TMC3: variants seen among roughly 807,000 people sequenced by gnomAD.
TMC3 encodes transmembrane channel like 3, also known as transmembrane channel-like protein 3.
In TMC3, 98 loss-of-function variants were observed where a neutral mutation model predicts 110.6. The observed-to-expected ratio is 0.89, with a 90% CI of 0.75 to 1.05. TMC3 has a LOEUF of 1.05. TMC3 is among the 50% of genes least tolerant of loss of function. The pLI is 0.00. For missense variants in TMC3, 1,319 were observed against 1,373.2 expected, an observed-to-expected ratio of 0.96 and a Z score of 0.62; for synonymous variants, 489 against 513.1, an observed-to-expected ratio of 0.95 and a Z score of 0.63.
Position 81,359,420 on chromosome 15 carries a change from A to T in TMC3, c.446T>A (p.Phe149Tyr). Residue 149 changes from phenylalanine to tyrosine, a missense_variant, in exon 5 of 22, where the codon TTT becomes TAT. Transcript: ENST00000359440. Reference sequence around the variant, plus strand: ...AATGGTGAGCACAATATTAATTCCAAATAACCATCTCAAGAATATGAAATA... The same window carrying T: ...AATGGTGAGCACAATATTAATTCCATATAACCATCTCAAGAATATGAAATA... The part of the protein sequence containing the change: ...ASYFIFLRWL[F>Y]GINIVLTIMT... The T allele has an allele frequency of 6.2e-7, 1 of 1,606,228 alleles. No homozygotes were observed. The highest frequency in any genetic ancestry group is 1.7e-5 in the Admixed American group (1 of 58,154).
At chr15:81,368,142 C>T in intron 3 of TMC3, 111 bp downstream of exon 3, 1 of 755,670 alleles carries the variant, frequency 1.3e-6, no homozygotes, top group Non-Finnish European at 2.3e-6. Context: ...ACCGTGTTAG[C>T]CAGGATGGTC....
rs373067910 is a variant in TMC3, at chr15:81,332,904, G to A, written c.2818C>T (p.Gln940Ter). ...SRVPRQPPSP[Q>*]LSEEEEETPS... ...GTCTCCTCCTCTTCTTCACTCAGCT[G>A]TGGGGAGGGAGGCTGGCGGGGGACC... The change falls in exon 22 of 22, where the codon CAG (glutamine) becomes TAG (stop). Residue 940 changes from glutamine (Q) to a stop codon, truncating the protein, a stop_gained. Transcript: ENST00000359440. LOFTEE classifies it low-confidence loss of function (END_TRUNC). The A allele has an allele frequency of 1.2e-6, 2 of 1,613,298 alleles. No homozygotes were observed. Among genetic ancestry groups the A allele is most frequent in the Non-Finnish European group, 1.7e-6 (2 of 1,179,854 alleles).
Position 81,332,377 on chromosome 15 carries a change from C to T in TMC3, c.*42G>A. 1.3e-6 allele frequency: 2 copies of T among 1,545,546 alleles called. No homozygotes were observed. The highest frequency in any genetic ancestry group is 1.7e-6 in the Non-Finnish European group (2 of 1,143,976). ...GATGCCATGTGCTGGCCCAGCACTCCAACAGGGGCCTGACCTCTAGGAACG... is the reference window on the plus strand; with the variant it reads ...GATGCCATGTGCTGGCCCAGCACTCTAACAGGGGCCTGACCTCTAGGAACG... On this transcript the variant is annotated 3_prime_UTR_variant, in exon 22 of 22. Transcript: ENST00000359440.
At chr15:81,350,126 T>C (rs997793132) in intron 10 of TMC3, among the ~76,000 whole-genome samples, 1 of 151,338 alleles carries the variant, frequency 6.6e-6, no homozygotes, top group Non-Finnish European at 1.5e-5. Context: ...TCCCAGCTTG[T>C]TGGGAAACTG....
chr15:81,340,255 A>G (rs1418590858), intron 16 of TMC3, among the ~76,000 whole-genome samples: 2 of 151,908 alleles, frequency 1.3e-5, no homozygotes, highest in East Asian at 3.9e-4. Flanking sequence ...TCTCTCATGA[A>G]AAAGACTTGA....
In TMC3 at chr15:81,333,114, G is replaced by T. The variant is rs368191794; in HGVS notation, c.2608C>A (p.Pro870Thr). Residue 870 changes from proline to threonine, a missense_variant, in exon 22 of 22, where the codon CCA becomes ACA. Pro to Thr is a conservative substitution (Grantham distance 38, BLOSUM62 -1). Transcript: ENST00000359440. ...FQQINPPHRG[P>T]QASTLLAQGP... ...TGTGCCAGCAAAGTCGAGGCCTGTG[G>T]TCCACGGTGAGGAGGGTTGATTTGC... 52 of 1,614,058 alleles carry T rather than the reference G, an allele frequency of 3.2e-5. No individual in the cohort carries two copies. Among genetic ancestry groups the T allele is most frequent in the South Asian group, 7.7e-5 (7 of 91,082 alleles).
intron 4 of TMC3, among the ~76,000 whole-genome samples, chr15:81,360,972 C>CTT (rs59270312): frequency 0.05 from 6,675 of 134,082 alleles, 540 homozygotes; most frequent in African/African-American, 0.17. Flanking sequence ...ACGGTTTTCT[C>CTT]TTTTTTTTTT....
rs376289164 is a variant in TMC3 at position 81,334,285 on chromosome 15, T to G, written c.2459+435A>C. On this transcript the variant is annotated intron_variant, in intron 21 of 21. Coordinates refer to ENST00000359440, the MANE Select transcript of TMC3 (RefSeq NM_001080532.3). ...ACCGCAGGTCTATCCCCTTCATCTTTCCAGGGGTCCTACCTCCATTAAAGT... is the reference window on the plus strand; with the variant it reads ...ACCGCAGGTCTATCCCCTTCATCTTGCCAGGGGTCCTACCTCCATTAAAGT... Among the ~76,000 whole-genome samples the G allele has an allele frequency of 2.6e-5, 4 of 152,222 alleles. No individual in the cohort carries two copies. In the East Asian group the frequency reaches 7.7e-4, roughly 29 times the overall value.
chr15:81,357,874 T>C (rs1261851504), intron 7 of TMC3, among the ~76,000 whole-genome samples: 1 of 152,224 alleles, frequency 6.6e-6, no homozygotes, highest in Non-Finnish European at 1.5e-5. Flanking sequence ...TAGGACCTAG[T>C]ACAAAGCAGT....
chr15:81,343,207 T>C, intron 15 of TMC3, 71 bp downstream of exon 15: 1 of 954,282 alleles, frequency 1.0e-6, no homozygotes, highest in Non-Finnish European at 1.7e-6. Context: ...GTGTCCCATC[T>C]AGACTAAGTA....
chr15:81,343,076 T>A, intron 15 of TMC3: 1 of 506,106 alleles, frequency 2.0e-6, no homozygotes, highest in South Asian at 3.3e-5. Context: ...AAACATGGAT[T>A]ATTTTCTTTT....
chr15:81,332,180 G>A lies in TMC3; in HGVS notation c.*239C>T. Reference sequence around the variant, plus strand: ...ATTGAGATTGCTGCAGACCCGTGATGATTCACTGCTGGTGACATACTTTGG... The same window carrying A: ...ATTGAGATTGCTGCAGACCCGTGATAATTCACTGCTGGTGACATACTTTGG... On this transcript the variant is annotated 3_prime_UTR_variant, in exon 22 of 22. Coordinates refer to ENST00000359440, the MANE Select transcript of TMC3 (RefSeq NM_001080532.3). 4.1e-6 allele frequency: 2 copies of A among 485,416 alleles called. No individual in the cohort carries two copies. Among genetic ancestry groups the A allele is most frequent in the South Asian group, 7.9e-5 (2 of 25,442 alleles). 30.1% of individuals were successfully genotyped at this position (485,416 alleles called of 1,614,324 possible). A position where few individuals can be genotyped will look rare whatever the true frequency, so the allele number is the denominator to read the frequency against.
rs761531942 is a variant in TMC3 at position 81,332,418 on chromosome 15, C to T, written c.*1G>A. 2.5e-6 allele frequency: 4 copies of T among 1,596,688 alleles called. No individual in the cohort carries two copies. Among genetic ancestry groups the T allele is most frequent in the African/African-American group, 2.7e-5 (2 of 74,834 alleles). On this transcript the variant is annotated 3_prime_UTR_variant, in exon 22 of 22. Transcript: ENST00000359440. ...TCTAGGAACGGGACACTGGAGGAAG[C>T]CTAGACATCTGAACAAATCAAGTCA...
At chr15:81,369,365 C>A (rs1894385599) in intron 2 of TMC3, among the ~76,000 whole-genome samples, 1 of 151,990 alleles carries the variant, frequency 6.6e-6, no homozygotes, top group Non-Finnish European at 1.5e-5. Flanking sequence ...ATCTTAATAG[C>A]CCAGCCAATG....
chr15:81,368,855 G>A (rs1390459229), intron 2 of TMC3, among the ~76,000 whole-genome samples: 1 of 152,158 alleles, frequency 6.6e-6, no homozygotes, highest in Non-Finnish European at 1.5e-5. Context: ...CACACTGATT[G>A]ATCACTCTTG....
At position 81,358,509 on chromosome 15, in the gene TMC3, A is replaced by G. The variant is rs760900992; in HGVS notation, c.502-9T>C. ...GGCTGGCCTGCAATCAGCTGGTGAG[A>G]GAAGAAAGCATGTCATGTGGTCCTC... On this transcript the variant is annotated splice_polypyrimidine_tract_variant and intron_variant, in intron 5 of 21. Transcript: ENST00000359440. 10 of 1,601,726 alleles carry G rather than the reference A, an allele frequency of 6.2e-6. No individual in the cohort carries two copies. In the African/African-American group the frequency reaches 1.3e-4, roughly 21 times the overall value.
chr15:81,368,626 G>A (rs1199071333), intron 2 of TMC3, among the ~76,000 whole-genome samples: 2 of 152,116 alleles, frequency 1.3e-5, no homozygotes, highest in Non-Finnish European at 1.5e-5. Context: ...CTGGTGCTTG[G>A]CTGGGAATTC....
At chr15:81,338,868 G>C in intron 17 of TMC3, 88 bp from the exon 18 acceptor site, 1 of 1,433,918 alleles carries the variant, frequency 7.0e-7, no homozygotes, top group Non-Finnish European at 9.6e-7. Context: ...GATGCCTGGA[G>C]GCCAATTCAT....
chr15:81,333,130 GT>G lies in TMC3; in HGVS notation c.2591del (p.Asn864ThrfsTer38). ...AGGCCTGTGGTCCACGGTGAGGAGG[GT>G]TGATTTGCTGAAAGTCTTTTCGGAA... ...PLFRKDFQQI[N>X]PPHRGPQAST... On this transcript the variant is annotated frameshift_variant, in exon 22 of 22. Transcript: ENST00000359440. LOFTEE classifies it low-confidence loss of function (END_TRUNC). 1 of 1,614,046 alleles carries G rather than the reference GT, an allele frequency of 6.2e-7. No individual in the cohort carries two copies. The highest frequency in any genetic ancestry group is 8.5e-7 in the Non-Finnish European group (1 of 1,179,894).
Sources: allele counts gnomAD v4.1 joint callset (sites outside exome capture counted in the v4.1 genomes callset), GRCh38; gene constraint gnomAD v4.1.1; transcripts MANE v1.5; gene names NCBI Gene and HGNC (gene_info 2026-07-23, HGNC 2026-07-21).